Variants in PSKH2 observed in about 807,000 individuals in gnomAD.
PSKH2 encodes serine/threonine-protein kinase H2.
A neutral mutation model predicts 22.5 loss-of-function variants in PSKH2; 16 were observed. The ratio of observed to expected loss-of-function variants is 0.71; its 90% confidence interval spans 0.48 to 1.08. The LOEUF is 1.08. PSKH2 is among the 50% of genes least tolerant of loss of function. The pLI is 0.00. For missense variants in PSKH2, 516 were observed against 492.8 expected (o/e 1.05, Z -0.44); for synonymous variants, 188 against 184.8 (o/e 1.02, Z -0.14).
chr8:86,050,072 G>C (rs1221237312), intron 2 of PSKH2, among the ~76,000 whole-genome samples: 1 of 152,146 alleles, frequency 6.6e-6, no homozygotes, highest in Non-Finnish European at 1.5e-5. Flanking sequence ...CCTATTTCAG[G>C]GATTTATAGT....
chr8:86,049,559 T>C lies in PSKH2; in HGVS notation c.853-792A>G, dbSNP rs530681601. 1.6e-4 allele frequency among the ~76,000 whole-genome samples: 20 copies of C among 121,260 alleles called. No homozygotes were observed. The South Asian group carries it at 4.3e-3, about 26-fold the overall frequency. The allele number at this position is 121,260 out of a possible 152,430, so 79.6% of individuals were successfully genotyped here. A position where few individuals can be genotyped will look rare whatever the true frequency, so the allele number is the denominator to read the frequency against. On this transcript the variant is annotated intron_variant, in intron 2 of 2. Transcript: ENST00000276616. ...GGGTGACAGAGTGAGACCCTGTCTC[T>C]AAAAAGAAAGAAAGAGGAGAGAGAG...
At chr8:86,055,541 T>C in intron 2 of PSKH2, among the ~76,000 whole-genome samples, 1 of 152,180 alleles carries the variant, frequency 6.6e-6, no homozygotes, top group Non-Finnish European at 1.5e-5. Flanking sequence ...TCATTAAAAA[T>C]AATTAAGCAC....
At chr8:86,055,962 A>G (rs1395018664) in intron 2 of PSKH2, among the ~76,000 whole-genome samples, 1 of 127,480 alleles carries the variant, frequency 7.8e-6, no homozygotes, top group Non-Finnish European at 1.7e-5. Flanking sequence ...AAATATATAT[A>G]CATATATATG....
rs115830096 is a variant in PSKH2 at position 86,056,518 on chromosome 8, C to G, written c.852+7447G>C. On this transcript the variant is annotated intron_variant, in intron 2 of 2. Coordinates refer to ENST00000276616, the MANE Select transcript of PSKH2 (RefSeq NM_033126.3). ...AAATTCTAACACTAACCTTTCTTCA[C>G]TATTCCATGTAAAAGATTTAAAAGG... Among the ~76,000 whole-genome samples the G allele has an allele frequency of 1.2e-3, 181 of 152,224 alleles. 1 individual carries two copies. The highest frequency in any genetic ancestry group is 4.3e-3 in the African/African-American group (177 of 41,542).
rs1178539593 is a variant in PSKH2 at position 86,049,732 on chromosome 8, AAGAAAGAAAGAAAG to A, written c.853-979_853-966del. Among the ~76,000 whole-genome samples, 41 of 51,144 alleles carry A rather than the reference AAGAAAGAAAGAAAG, an allele frequency of 8.0e-4. 4 individuals are homozygous for A. Among genetic ancestry groups the A allele is most frequent in the Non-Finnish European group, 2.0e-4 (5 of 24,572 alleles). The allele number at this position is 51,144 out of a possible 152,430, so 33.6% of individuals were successfully genotyped here. A position where few individuals can be genotyped will look rare whatever the true frequency, so the allele number is the denominator to read the frequency against. On this transcript the variant is annotated intron_variant, in intron 2 of 2. Transcript: ENST00000276616. ...AAAGAAAGAAAGAAAGAAAGAAAGA[AAGAAAGAAAGAAAG>A]AAACGAAAGAAAGAAAGAAAGAGAA...
chr8:86,048,421 T>G lies in PSKH2; in HGVS notation c.*41A>C, dbSNP rs1205033364. On this transcript the variant is annotated 3_prime_UTR_variant, in exon 3 of 3. Transcript: ENST00000276616. ...TGAGGGTGCCCTAATCATGATGAAATGGTCCTAAAATAGGCAAAAATAGTT... is the reference window on the plus strand; with the variant it reads ...TGAGGGTGCCCTAATCATGATGAAAGGGTCCTAAAATAGGCAAAAATAGTT... 4 of 1,507,204 alleles carry G rather than the reference T, an allele frequency of 2.7e-6. No homozygotes were observed. The highest frequency in any genetic ancestry group is 3.6e-6 in the Non-Finnish European group (4 of 1,099,112). The allele number at this position is 1,507,204 out of a possible 1,614,324, so 93.4% of individuals were successfully genotyped here. A position where few individuals can be genotyped will look rare whatever the true frequency, so the allele number is the denominator to read the frequency against.
In PSKH2 at chr8:86,064,136, C is replaced by A; in HGVS notation, c.681G>T (p.Glu227Asp). 6.2e-7 allele frequency: 1 copy of A among 1,614,174 alleles called. No homozygotes were observed. Residue 227 changes from glutamate (E) to aspartate (D), a missense_variant, in exon 2 of 3, where the codon GAG becomes GAT. Physicochemically the swap from Glu to Asp is conservative, Grantham distance 45. Coordinates refer to ENST00000276616, the MANE Select transcript of PSKH2 (RefSeq NM_033126.3). Reference sequence around the variant, plus strand: ...TTAGCAAAACCTCAGGAGCTATGTACTCTGGGGTCCCACAGAGTGTCTTCA... The same window carrying A: ...TTAGCAAAACCTCAGGAGCTATGTAATCTGGGGTCCCACAGAGTGTCTTCA... Reference protein sequence around the residue: ...WTMKTLCGTPEYIAPEVLLRK... With the variant: ...WTMKTLCGTPDYIAPEVLLRK...
Position 86,064,225 on chromosome 8 carries a change from A to C in PSKH2, c.592T>G (p.Ser198Ala). 3 of 1,613,814 alleles carry C rather than the reference A, an allele frequency of 1.9e-6. No homozygotes were observed. The highest frequency in any genetic ancestry group is 2.5e-6 in the Non-Finnish European group (3 of 1,179,976). Residue 198 changes from serine (S) to alanine (A), a missense_variant, in exon 2 of 3, where the codon TCG (serine) becomes GCG (alanine). Coordinates refer to ENST00000276616, the MANE Select transcript of PSKH2 (RefSeq NM_033126.3). ...NLLYYHPGEE[S>A]KILITDFGLA... The stretch of plus-strand genomic sequence containing the variant: ...CCAAAATCTGTAATTAAAATTTTCG[A>C]CTCTTCACCTGGATGATAGTATAAG...
At chr8:86,059,000 T>G (rs1159944689) in intron 2 of PSKH2, among the ~76,000 whole-genome samples, 1 of 152,140 alleles carries the variant, frequency 6.6e-6, no homozygotes, top group African/African-American at 2.4e-5. Context: ...AGTGCAGTGC[T>G]GCAATCTTAG....
At chr8:86,057,539 A>G (rs1008828767) in intron 2 of PSKH2, among the ~76,000 whole-genome samples, 9 of 151,916 alleles carry the variant, frequency 5.9e-5, no homozygotes, top group Admixed American at 1.3e-4. Context: ...GGCACGCGCC[A>G]CCACACCCAG....
At chr8:86,050,525 AG>A (rs1817615935) in intron 2 of PSKH2, among the ~76,000 whole-genome samples, 1 of 152,192 alleles carries the variant, frequency 6.6e-6, no homozygotes, top group African/African-American at 2.4e-5. Flanking sequence ...CACGCCCCAC[AG>A]AAGTTAGGAC....
intron 2 of PSKH2, among the ~76,000 whole-genome samples, chr8:86,057,158 G>C (rs1249517278): frequency 6.6e-6 from 1 of 151,704 alleles, no homozygotes; most frequent in African/African-American, 2.4e-5. Context: ...TCTTGGGCTC[G>C]GGTGATCCTC....
At chr8:86,056,317 T>C (rs550355348) in intron 2 of PSKH2, among the ~76,000 whole-genome samples, 14 of 152,088 alleles carry the variant, frequency 9.2e-5, no homozygotes, top group Admixed American at 7.2e-4. Flanking sequence ...AAAAATGTTT[T>C]TAATATCAGT....
At chr8:86,049,595 A>AGC (rs1017243890) in intron 2 of PSKH2, among the ~76,000 whole-genome samples, 1 of 141,938 alleles carries the variant, frequency 7.0e-6, no homozygotes, top group Non-Finnish European at 1.5e-5. Flanking sequence ...AGAGAGAGAG[A>AGC]GCGAAGAGGG....
chr8:86,048,627 A>G lies in PSKH2; in HGVS notation c.993T>C (p.Asn331=), dbSNP rs764778359. The part of the protein sequence containing the change: ...ITMAAGSSMK[N]LQRAISRNLM... ...GGTTTCGGGATATGGCCCTCTGGAGATTCTTCATGGAAGACCCTGCAGCCA... is the reference window on the plus strand; with the variant it reads ...GGTTTCGGGATATGGCCCTCTGGAGGTTCTTCATGGAAGACCCTGCAGCCA... The change falls in exon 3 of 3, where the codon AAT becomes AAC. Residue 331 remains asparagine, a synonymous_variant. Transcript: ENST00000276616. 1 of 1,614,110 alleles carries G rather than the reference A, an allele frequency of 6.2e-7. No individual in the cohort carries two copies. Among genetic ancestry groups the G allele is most frequent in the South Asian group, 1.1e-5 (1 of 91,076 alleles).
At chr8:86,066,850 C>T (rs957519064) in intron 1 of PSKH2, among the ~76,000 whole-genome samples, 1 of 152,160 alleles carries the variant, frequency 6.6e-6, no homozygotes, top group Admixed American at 6.5e-5. Flanking sequence ...TAAATAGATT[C>T]TTTCCCCTTT....
At chr8:86,051,074 G>C (rs771711237) in intron 2 of PSKH2, among the ~76,000 whole-genome samples, 2 of 142,760 alleles carry the variant, frequency 1.4e-5, no homozygotes, top group Non-Finnish European at 3.0e-5. Context: ...TTGTTTGTTT[G>C]TTTGTTTTTG....
Position 86,048,471 on chromosome 8 carries a change from C to G in PSKH2, c.1149G>C (p.Ala383=), listed in dbSNP as rs773303354. 2 of 1,610,906 alleles carry G rather than the reference C, an allele frequency of 1.2e-6. No individual in the cohort carries two copies. The highest frequency in any genetic ancestry group is 2.7e-5 in the African/African-American group (2 of 74,836). The change falls in exon 3 of 3, where the codon GCG becomes GCC. Residue 383 remains alanine, a synonymous_variant. Coordinates refer to ENST00000276616, the MANE Select transcript of PSKH2 (RefSeq NM_033126.3). ...TTTAGAGGTCATCTGCTTACAAAAGCGCAGACAGTGGCGATTCTACTATCC... is the reference window on the plus strand; with the variant it reads ...TTTAGAGGTCATCTGCTTACAAAAGGGCAGACAGTGGCGATTCTACTATCC... ...NLRIVESPLS[A]LL
intron 2 of PSKH2, among the ~76,000 whole-genome samples, chr8:86,056,250 G>A (rs530744929): frequency 8.5e-5 from 13 of 152,110 alleles, no homozygotes; most frequent in African/African-American, 1.4e-4. Context: ...CTATGATCAC[G>A]CCACTGCACT....
Sources: gnomAD v4.1 joint callset for allele counts (sites outside exome capture counted in the v4.1 genomes callset) on GRCh38, gnomAD v4.1.1 for gene constraint, MANE v1.5 for transcripts, NCBI Gene and HGNC (gene_info 2026-07-23, HGNC 2026-07-21) for gene names.